PTPRQ: variants seen among roughly 807,000 people sequenced by gnomAD.
PTPRQ encodes the protein phosphatidylinositol phosphatase PTPRQ.
A neutral mutation model predicts 246.0 loss-of-function variants in PTPRQ; 199 were observed. That is an observed-to-expected ratio of 0.81 (90% CI 0.72 to 0.91). PTPRQ has a LOEUF of 0.91. Among genes scored for constraint, PTPRQ ranks in the 40% least tolerant of loss-of-function variants. The probability of loss-of-function intolerance (pLI) is 0.00; values close to 1 mark genes in which losing one functional copy is unlikely to be tolerated. For synonymous variants in PTPRQ, 869 were observed against 853.2 expected (o/e 1.02, Z -0.32); for missense variants, 2,624 against 2,528.4 (o/e 1.04, Z -0.81).
intron 28 of PTPRQ, 77 bp downstream of exon 28, chr12:80,610,702 A>G: frequency 1.2e-5 from 18 of 1,478,156 alleles, no homozygotes; most frequent in Non-Finnish European, 1.6e-5. Flanking sequence ...ATACTCCACC[A>G]AAAAAGGATA....
chr12:80,579,846 C>T (rs1259423809), intron 25 of PTPRQ, among the ~76,000 whole-genome samples: 1 of 152,036 alleles, frequency 6.6e-6, no homozygotes, highest in African/African-American at 2.4e-5. Context: ...CAAAAATATT[C>T]TTAAACTTGG....
chr12:80,457,487 T>C (rs925021464), intron 3 of PTPRQ, 88 bp from the exon 4 acceptor site: 2 of 399,398 alleles, frequency 5.0e-6, no homozygotes, highest in East Asian at 7.2e-5. Context: ...ATTTATCTTA[T>C]GGATAAGTCA....
intron 24 of PTPRQ, among the ~76,000 whole-genome samples, chr12:80,548,114 T>A (rs1180033780): frequency 2.0e-5 from 3 of 152,120 alleles, no homozygotes; most frequent in African/African-American, 7.2e-5. Context: ...AGGGCTAATC[T>A]TGTAGAAAGT....
chr12:80,540,039 T>G, intron 20 of PTPRQ, 95 bp downstream of exon 20: 1 of 1,091,474 alleles, frequency 9.2e-7, no homozygotes, highest in Non-Finnish European at 1.2e-6. Flanking sequence ...TAATAACATC[T>G]TTTATTTAGA....
At chr12:80,462,979 G>T (rs4268566) in intron 6 of PTPRQ, among the ~76,000 whole-genome samples, 6 of 151,754 alleles carry the variant, frequency 4.0e-5, no homozygotes, top group East Asian at 1.9e-4. Context: ...TCCAAAGGAT[G>T]GCAGTTCCTC....
intron 8 of PTPRQ, among the ~76,000 whole-genome samples, chr12:80,473,051 A>ACACACGCGCGCG (rs1555185246): frequency 1.5e-5 from 2 of 135,968 alleles, no homozygotes; most frequent in African/African-American, 5.9e-5. Flanking sequence ...ACACACGCAC[A>ACACACGCGCGCG]CACACACACA....
intron 25 of PTPRQ, among the ~76,000 whole-genome samples, chr12:80,576,615 G>A (rs563726943): frequency 4.6e-4 from 70 of 151,542 alleles, no homozygotes; most frequent in African/African-American, 1.6e-3. Context: ...ATATCAATGT[G>A]TGCCAGGCAT....
At chr12:80,468,568 C>A in intron 6 of PTPRQ, 142 bp from the exon 7 acceptor site, 1 of 797,418 alleles carries the variant, frequency 1.3e-6, no homozygotes, top group Non-Finnish European at 1.8e-6. Flanking sequence ...TCCATTTATT[C>A]TTTTTTAAGA....
At chr12:80,629,133 G>A (rs1366088761) in intron 33 of PTPRQ, among the ~76,000 whole-genome samples, 2 of 151,148 alleles carry the variant, frequency 1.3e-5, no homozygotes, top group Non-Finnish European at 2.9e-5. Context: ...GGGGGAGGAG[G>A]AGGAGAAAGG....
chr12:80,486,135 C>G (rs934501839), intron 9 of PTPRQ, among the ~76,000 whole-genome samples: 1 of 152,036 alleles, frequency 6.6e-6, no homozygotes, highest in African/African-American at 2.4e-5. Flanking sequence ...TTATAAGTCC[C>G]TATAACAAAG....
chr12:80,452,753 T>G (rs1198152329), intron 3 of PTPRQ, among the ~76,000 whole-genome samples: 1 of 152,260 alleles, frequency 6.6e-6, no homozygotes, highest in East Asian at 1.9e-4. Context: ...TCTAATAGGC[T>G]TCCCTTTGTG....
In PTPRQ at chr12:80,588,241, C is replaced by T; in HGVS notation, c.4398C>T (p.Thr1466=). 5 of 1,551,520 alleles carry T rather than the reference C, an allele frequency of 3.2e-6. No individual in the cohort carries two copies. The highest frequency in any genetic ancestry group is 3.3e-4 in the Middle Eastern group (2 of 5,990). Reference sequence around the variant, plus strand: ...GCTACTTTCAAAATTACAAAATTACCACTCAACTTCGTGCTCAAAAATGCA... The same window carrying T: ...GCTACTTTCAAAATTACAAAATTACTACTCAACTTCGTGCTCAAAAATGCA... ...ILGYFQNYKI[T]TQLRAQKCKE... Residue 1466 remains threonine, a synonymous_variant, in exon 26 of 45, where the codon ACC becomes ACT. Coordinates refer to ENST00000644991, the MANE Select transcript of PTPRQ (RefSeq NM_001145026.2).
chr12:80,567,452 C>G (rs75577755), intron 25 of PTPRQ, among the ~76,000 whole-genome samples: 1 of 152,208 alleles, frequency 6.6e-6, no homozygotes, highest in Non-Finnish European at 1.5e-5. Context: ...AACCACCATT[C>G]ATCCACCATA....
chr12:80,457,628 C>T lies in PTPRQ; in HGVS notation c.444C>T (p.Phe148=). The part of the protein sequence containing the change: ...GIGVFSDPFL[F]QTAESAPGKV... ...GAGTGTTTAGTGATCCATTTCTCTT[C>T]CAAACTGCAGAAAGTGGTAATTTTC... is the stretch of plus-strand genomic sequence containing the variant. Residue 148 remains phenylalanine (F), a synonymous_variant, in exon 4 of 45, where the codon TTC becomes TTT. Coordinates refer to ENST00000644991, the MANE Select transcript of PTPRQ (RefSeq NM_001145026.2). 6 of 400,134 alleles carry T rather than the reference C, an allele frequency of 1.5e-5. No individual in the cohort carries two copies. The highest frequency in any genetic ancestry group is 2.2e-5 in the Non-Finnish European group (5 of 225,862). The allele number at this position is 400,134 out of a possible 1,614,324, so 24.8% of individuals were successfully genotyped here.
intron 17 of PTPRQ, among the ~76,000 whole-genome samples, chr12:80,514,714 T>C (rs1352377434): frequency 1.4e-5 from 2 of 145,606 alleles, no homozygotes; most frequent in African/African-American, 5.0e-5. Flanking sequence ...TATAAGTATA[T>C]GTATATATTA....
chr12:80,492,647 C>G (rs1187826727), intron 9 of PTPRQ, among the ~76,000 whole-genome samples: 1 of 151,910 alleles, frequency 6.6e-6, no homozygotes, highest in East Asian at 1.9e-4. Context: ...TTTTGGTGAA[C>G]TTGACATGTG....
At position 80,649,679 on chromosome 12, in the gene PTPRQ, T is replaced by C. The variant is rs1900193205; in HGVS notation, c.6024+10T>C. On this transcript the variant is annotated intron_variant, in intron 37 of 44. Transcript: ENST00000644991. ...TCAAGAAGAATTTTCGGTATGTTACTAGCAGTTGTCACAACATTGCAAGAC... is the reference window on the plus strand; with the variant it reads ...TCAAGAAGAATTTTCGGTATGTTACCAGCAGTTGTCACAACATTGCAAGAC... 1 of 1,545,060 alleles carries C rather than the reference T, an allele frequency of 6.5e-7. No individual in the cohort carries two copies. Among genetic ancestry groups the C allele is most frequent in the Non-Finnish European group, 8.7e-7 (1 of 1,143,748 alleles).
intron 19 of PTPRQ, among the ~76,000 whole-genome samples, chr12:80,535,509 T>C (rs1895960454): frequency 6.6e-6 from 1 of 152,186 alleles, no homozygotes. Flanking sequence ...AGGGTTATTA[T>C]AATAATAGTA....
intron 35 of PTPRQ, among the ~76,000 whole-genome samples, chr12:80,636,058 A>G (rs914260853): frequency 6.6e-6 from 1 of 152,210 alleles, no homozygotes; most frequent in African/African-American, 2.4e-5. Flanking sequence ...TATAGAGGGA[A>G]GTGTCATCTG....
Sources: allele counts gnomAD v4.1 joint callset (sites outside exome capture counted in the v4.1 genomes callset), GRCh38; gene constraint gnomAD v4.1.1; transcripts MANE v1.5; gene names NCBI Gene and HGNC (gene_info 2026-07-23, HGNC 2026-07-21).